CREBBP: variants seen among roughly 807,000 people sequenced by gnomAD.
The protein encoded by CREBBP is CREB-binding protein.
CREBBP carries 19 observed loss-of-function variants against 265.0 expected under a neutral mutation model. The ratio of observed to expected loss-of-function variants is 0.07; its 90% CI spans 0.05 to 0.11. The LOEUF (loss-of-function observed/expected upper bound fraction) is 0.11. Among genes scored for constraint, CREBBP ranks in the 10% least tolerant of loss-of-function variants. CREBBP has a pLI of 1.00. For synonymous variants in CREBBP, 1,457 were observed against 1,223.7 expected (o/e 1.19, Z -3.98); for missense variants, 2,525 against 3,219.0 (o/e 0.78, Z 5.22).
rs949154902 is a variant in CREBBP at position 3,855,930 on chromosome 16, G to A, written c.86-4921C>T. On this transcript the variant is annotated intron_variant, in intron 1 of 30. Coordinates refer to ENST00000262367, the MANE Select transcript of CREBBP (RefSeq NM_004380.3). ...TCCACCTGCACACACAAATTTACTCGGTACTCCTTAATAAATATTTTTGTC... is the reference window on the plus strand; with the variant it reads ...TCCACCTGCACACACAAATTTACTCAGTACTCCTTAATAAATATTTTTGTC... Among the ~76,000 whole-genome samples the A allele has an allele frequency of 4.6e-5, 7 of 152,056 alleles. No homozygotes were observed. The East Asian group carries it at 5.8e-4, about 13-fold the overall frequency.
rs773500314 is a variant in CREBBP, at chr16:3,731,487, G to T, written c.4891-14C>A. ...CACGAAGAAGACCTGCAGGAGAGGA[G>T]GGGCTTTAGTCCCACACAAGGGACA... On this transcript the variant is annotated splice_polypyrimidine_tract_variant and intron_variant, in intron 29 of 30. Transcript: ENST00000262367. This position sits in a 1 kb window ranked among gnomAD's most constrained non-coding sequence, Gnocchi z 7.7. 1.3e-6 allele frequency: 2 copies of T among 1,571,810 alleles called. No individual in the cohort carries two copies. The highest frequency in any genetic ancestry group is 4.6e-5 in the East Asian group (2 of 43,326).
chr16:3,793,249 G>C (rs1425710149), intron 4 of CREBBP, 137 bp downstream of exon 4: 2 of 1,174,948 alleles, frequency 1.7e-6, no homozygotes, highest in Admixed American at 3.4e-5. Flanking sequence ...GAACGTGAGC[G>C]CAACATGTCT....
At chr16:3,787,063 T>C (rs1012344966) in intron 5 of CREBBP, among the ~76,000 whole-genome samples, 7 of 137,564 alleles carry the variant, frequency 5.1e-5, no homozygotes, top group African/African-American at 2.3e-4. Flanking sequence ...AGAGTGAGAC[T>C]TCGTCTCAAA....
rs2151311945 is a variant in CREBBP at position 3,729,757 on chromosome 16, G to T, written c.5290C>A (p.Pro1764Thr). 1 of 1,608,546 alleles carries T rather than the reference G, an allele frequency of 6.2e-7. No individual in the cohort carries two copies. The highest frequency in any genetic ancestry group is 2.2e-5 in the East Asian group (1 of 44,876). Residue 1764 changes from proline to threonine, a missense_variant, in exon 31 of 31, where the codon CCC becomes ACC. Physicochemically the swap from Pro to Thr is conservative, Grantham distance 38. Around this residue, in one of 19 missense-constraint regions of CREBBP, gnomAD observed 62 missense variants for 156.2 expected, o/e 0.40. Coordinates refer to ENST00000262367, the MANE Select transcript of CREBBP (RefSeq NM_004380.3). The stretch of plus-strand genomic sequence containing the variant: ...ATGCTCAGCCGGCGTGACTCCTGGG[G>T]GCTCTTTGACTGTGGCTCGCCCTGG... ...SSQGEPQSKS[P>T]QESRRLSIQR...
intron 1 of CREBBP, 39 bp downstream of exon 1, chr16:3,879,793 C>T (rs1427156131): frequency 6.5e-7 from 1 of 1,545,290 alleles, no homozygotes; most frequent in South Asian, 1.2e-5. Context: ...GGGGTGACAG[C>T]GCGCCCCGGG....
intron 3 of CREBBP, among the ~76,000 whole-genome samples, chr16:3,800,128 T>G (rs1229289783): frequency 6.6e-6 from 1 of 152,174 alleles, no homozygotes; most frequent in East Asian, 1.9e-4. Flanking sequence ...TAAAAATTCT[T>G]TTTATTTTTG....
intron 28 of CREBBP, 83 bp downstream of exon 28, chr16:3,735,953 A>G (rs1406057335): frequency 6.2e-7 from 1 of 1,611,798 alleles, no homozygotes; most frequent in East Asian, 2.2e-5. Context: ...GAAGGACCTA[A>G]CAGTCGACAC....
At chr16:3,759,059 G>C in intron 16 of CREBBP, 87 bp from the exon 17 acceptor site, 1 of 1,048,202 alleles carries the variant, frequency 9.5e-7, no homozygotes, top group Non-Finnish European at 1.5e-6. Context: ...CCTGGCTGCT[G>C]TGACATCCCA....
intron 13 of CREBBP, among the ~76,000 whole-genome samples, chr16:3,772,800 T>C (rs2053043912): frequency 6.6e-6 from 1 of 151,364 alleles, no homozygotes; most frequent in Non-Finnish European, 1.5e-5. Flanking sequence ...CTGGGTACGG[T>C]AGCTTACTCC....
intron 2 of CREBBP, among the ~76,000 whole-genome samples, chr16:3,839,666 G>A (rs986853873): frequency 3.9e-5 from 5 of 127,852 alleles, no homozygotes; most frequent in Non-Finnish European, 6.4e-5. Context: ...TAGACAACAA[G>A]AGTGAAACTA....
Position 3,782,739 on chromosome 16 carries a change from G to C in CREBBP, c.1518C>G (p.Gly506=), listed in dbSNP as rs751344986. The C allele has an allele frequency of 6.2e-7, 1 of 1,614,194 alleles. No homozygotes were observed. Among genetic ancestry groups the C allele is most frequent in the Non-Finnish European group, 8.5e-7 (1 of 1,180,026 alleles). ...PQTQLQPQVP[G]QQPAQPQTHQ... ...GGGTTTGAGGCTGTGCTGGTTGCTGGCCAGGAACCTGAGGCTGCAGCTGCG... is the reference window on the plus strand; with the variant it reads ...GGGTTTGAGGCTGTGCTGGTTGCTGCCCAGGAACCTGAGGCTGCAGCTGCG... Residue 506 remains glycine (G), a synonymous_variant, in exon 6 of 31, where the codon GGC becomes GGG. Coordinates refer to ENST00000262367, the MANE Select transcript of CREBBP (RefSeq NM_004380.3).
chr16:3,760,403 T>TG (rs1596860539), intron 16 of CREBBP, among the ~76,000 whole-genome samples: 3 of 128,140 alleles, frequency 2.3e-5, no homozygotes, highest in East Asian at 2.2e-4. Context: ...TTTTTTTTTT[T>TG]TTTTTTTTTT....
In CREBBP at chr16:3,735,286, G is replaced by C. The variant is rs1425792044; in HGVS notation, c.4728+750C>G. ...CCTACCAGGACACAGCCACTCCCTT[G>C]GGGGCGGAGATGGGGTTTTGTTTGT... On this transcript the variant is annotated intron_variant, in intron 28 of 30. Transcript: ENST00000262367. Among the ~76,000 whole-genome samples, 8 of 152,246 alleles carry C rather than the reference G, an allele frequency of 5.3e-5. No homozygotes were observed. The South Asian group carries it at 1.7e-3, about 32-fold the overall frequency.
intron 3 of CREBBP, among the ~76,000 whole-genome samples, chr16:3,794,015 T>A (rs1272545336): frequency 6.6e-6 from 1 of 152,136 alleles, no homozygotes; most frequent in African/African-American, 2.4e-5. Flanking sequence ...TTTCATAGGG[T>A]ACAACCTAAT....
At chr16:3,876,875 C>T (rs2055414301) in intron 1 of CREBBP, among the ~76,000 whole-genome samples, 4 of 152,210 alleles carry the variant, frequency 2.6e-5, no homozygotes, top group Admixed American at 2.6e-4. Context: ...CTCTGAGGTG[C>T]TGCATGACCT....
intron 8 of CREBBP, 123 bp from the exon 9 acceptor site, chr16:3,778,940 G>A (rs1053285423): frequency 1.3e-6 from 1 of 744,362 alleles, no homozygotes. Context: ...GCTGAGGCGG[G>A]AGAATCACCT....
chr16:3,766,000 T>C (rs1238762169), intron 16 of CREBBP, among the ~76,000 whole-genome samples: 1 of 152,192 alleles, frequency 6.6e-6, no homozygotes, highest in African/African-American at 2.4e-5. Flanking sequence ...CCTGCTTTTC[T>C]AAGTTGGTAA....
intron 19 of CREBBP, among the ~76,000 whole-genome samples, chr16:3,755,953 C>T (rs2052576199): frequency 6.6e-6 from 1 of 151,948 alleles, no homozygotes; most frequent in Admixed American, 6.6e-5. Context: ...TTTTTTGAGA[C>T]ATTTTTGTGT....
At chr16:3,824,785 G>C (rs140489151) in intron 2 of CREBBP, among the ~76,000 whole-genome samples, 25 of 152,308 alleles carry the variant, frequency 1.6e-4, no homozygotes, top group African/African-American at 5.8e-4. Context: ...TAAGCAAAAT[G>C]TGCCAGGTTT....
Sources: allele counts gnomAD v4.1 joint callset (sites outside exome capture counted in the v4.1 genomes callset), GRCh38; gene constraint gnomAD v4.1.1; regional missense constraint gnomAD v4.1.1; non-coding constraint Gnocchi (gnomAD v3.1); transcripts MANE v1.5; gene names NCBI Gene and HGNC (gene_info 2026-07-23, HGNC 2026-07-21).